ARHGAP36: variants seen among roughly 807,000 people sequenced by gnomAD.
The protein encoded by ARHGAP36 is rho GTPase-activating protein 36.
A neutral mutation model predicts 32.9 loss-of-function variants in ARHGAP36; 7 were observed. The observed-to-expected ratio is 0.21, with a 90% CI of 0.12 to 0.40. The LOEUF is 0.40. Ranked by LOEUF, ARHGAP36 falls within the 10% of genes least tolerant of loss-of-function variation. The probability of loss-of-function intolerance (pLI) is 1.00; values close to 1 mark genes in which losing one functional copy is unlikely to be tolerated. For synonymous variants in ARHGAP36, 165 were observed against 168.3 expected (o/e 0.98, Z 0.15); for missense variants, 383 against 442.2 (o/e 0.87, Z 1.20).
chrX:131,059,920 G>A (rs189432905), intron 1 of ARHGAP36, among the ~76,000 whole-genome samples: 6 of 111,515 alleles, frequency 5.4e-5, no homozygotes, highest in Admixed American at 2.8e-4. Context: ...CCACATAGGA[G>A]GGAGTCCATA....
At chrX:131,085,818 GGA>G in intron 8 of ARHGAP36, 82 bp downstream of exon 8, 1 of 1,178,717 alleles carries the variant, frequency 8.5e-7, no homozygotes, top group Non-Finnish European at 1.1e-6. Flanking sequence ...TGGATGGAGA[GGA>G]GAGAGAGAAA....
rs766840004 is a variant in ARHGAP36 at position 131,083,863 on chromosome X, G to C, written c.449G>C (p.Arg150Pro). ...GCCACCGGTCAGGCTGCGGGCCGTC[G>C]TCGGGGAAACGTGGTGCGAAGGGTG... Reference protein sequence around the residue: ...EEATGQAAGRRRGNVVRRVFG... With the variant: ...EEATGQAAGRPRGNVVRRVFG... The change falls in exon 4 of 12, where the codon CGT becomes CCT. Residue 150 changes from arginine (R) to proline (P), a missense_variant. Coordinates refer to ENST00000276211, the MANE Select transcript of ARHGAP36 (RefSeq NM_144967.4). 5 of 1,210,938 alleles carry C rather than the reference G, an allele frequency of 4.1e-6. No homozygotes were observed. Among genetic ancestry groups the C allele is most frequent in the Middle Eastern group, 2.3e-4 (1 of 4,366 alleles).
chrX:131,082,882 T>C (rs2079811359), intron 2 of ARHGAP36, among the ~76,000 whole-genome samples: 1 of 113,256 alleles, frequency 8.8e-6, no homozygotes, highest in East Asian at 2.8e-4. Context: ...AAGTGTTGTA[T>C]TGAGCGACTA....
At chrX:131,076,489 A>G (rs934954761) in intron 1 of ARHGAP36, among the ~76,000 whole-genome samples, 6 of 112,665 alleles carry the variant, frequency 5.3e-5, no homozygotes, top group African/African-American at 1.9e-4. Context: ...ATAAAATTTA[A>G]AAACAGGATT....
Position 131,081,524 on chromosome X carries a change from C to A in ARHGAP36, c.-142C>A. On this transcript the variant is annotated splice_region_variant and 5_prime_UTR_variant, in exon 2 of 12. Coordinates refer to ENST00000276211, the MANE Select transcript of ARHGAP36 (RefSeq NM_144967.4). The stretch of plus-strand genomic sequence containing the variant: ...GTTGGATTTTTTTTTTCTTTTTTAG[C>A]AAAAACAACCAGAGGCTGCTCTGCT... 7 of 1,036,733 alleles carry A rather than the reference C, an allele frequency of 6.8e-6. No homozygotes were observed. Among genetic ancestry groups the A allele is most frequent in the East Asian group, 3.4e-5 (1 of 28,990 alleles). The allele number at this position is 1,036,733 out of a possible 1,213,427, so 85.4% of individuals were successfully genotyped here. A position where few individuals can be genotyped will look rare whatever the true frequency, so the allele number is the denominator to read the frequency against.
intron 1 of ARHGAP36, among the ~76,000 whole-genome samples, chrX:131,073,448 C>G (rs939174510): frequency 8.9e-5 from 10 of 112,037 alleles, no homozygotes; most frequent in Non-Finnish European, 1.5e-4. Context: ...GAGCCGAGGG[C>G]ACGCAGCGGG....
chrX:131,083,292 G>A, intron 3 of ARHGAP36, 62 bp downstream of exon 3: 7 of 1,092,118 alleles, frequency 6.4e-6, no homozygotes, highest in South Asian at 2.1e-5. Context: ...TGTGTAGTGT[G>A]GCCCTGGCTA....
At chrX:131,081,978 G>C (rs1441573829) in intron 2 of ARHGAP36, 60 bp downstream of exon 2, 2 of 1,169,525 alleles carry the variant, frequency 1.7e-6, no homozygotes, top group Non-Finnish European at 2.3e-6. Flanking sequence ...CTCCGGGCAG[G>C]ACGGGGCGGA....
intron 1 of ARHGAP36, among the ~76,000 whole-genome samples, chrX:131,065,061 G>A (rs1189520206): frequency 6.3e-5 from 7 of 111,126 alleles, no homozygotes; most frequent in Non-Finnish European, 1.3e-4. Flanking sequence ...GTGTGTGTGT[G>A]TGTGTGTCTG....
rs1012239949 is a variant in ARHGAP36, at chrX:131,058,434, C to T, written c.-153C>T. The stretch of plus-strand genomic sequence containing the variant: ...TTTTCGCCTCGGCCTTTGAGCCCCG[C>T]CCCCGCCGTGGTGAGTGGGGCCCAC... On this transcript the variant is annotated 5_prime_UTR_variant, in exon 1 of 12. Transcript: ENST00000276211. 4 of 1,077,404 alleles carry T rather than the reference C, an allele frequency of 3.7e-6. No homozygotes were observed. Among genetic ancestry groups the T allele is most frequent in the Admixed American group, 3.3e-5 (1 of 30,096 alleles). 88.8% of individuals were successfully genotyped at this position (1,077,404 alleles called of 1,213,427 possible).
Position 131,084,290 on chromosome X carries a change from A to T in ARHGAP36, c.631A>T (p.Ile211Phe). Residue 211 changes from isoleucine to phenylalanine, a missense_variant, in exon 5 of 12, where the codon ATT becomes TTT. By Grantham distance (21) the Ile-to-Phe change is conservative. Coordinates refer to ENST00000276211, the MANE Select transcript of ARHGAP36 (RefSeq NM_144967.4). ...GCTGCAGACCCTGCAGCTTTCAAAAATTTCCTTTCCAATTGGCCAACGACT... is the reference window on the plus strand; with the variant it reads ...GCTGCAGACCCTGCAGCTTTCAAAATTTTCCTTTCCAATTGGCCAACGACT... Reference protein sequence around the residue: ...LLLQTLQLSKISFPIGQRLLG... With the variant: ...LLLQTLQLSKFSFPIGQRLLG... 8.3e-7 allele frequency: 1 copy of T among 1,211,813 alleles called. No individual in the cohort carries two copies. The highest frequency in any genetic ancestry group is 1.1e-6 in the Non-Finnish European group (1 of 895,523).
chrX:131,067,332 C>G (rs2079704189), intron 1 of ARHGAP36, among the ~76,000 whole-genome samples: 1 of 112,571 alleles, frequency 8.9e-6, no homozygotes, highest in Admixed American at 9.7e-5. Context: ...AAGAATCTTT[C>G]CAGCTTACTC....
rs72142237 is a variant in ARHGAP36 at position 131,077,764 on chromosome X, C to CATATATATATATAT, written c.-142-3731_-142-3718dup. Among the ~76,000 whole-genome samples the CATATATATATATAT allele has an allele frequency of 1.4e-3, 125 of 86,966 alleles. 5 individuals are homozygous for CATATATATATATAT. Among genetic ancestry groups the CATATATATATATAT allele is most frequent in the African/African-American group, 5.4e-3 (106 of 19,546 alleles). 75.5% of individuals were successfully genotyped at this position (86,966 alleles called of 115,157 possible). ...GCCCCTTTACTTATCCAAATAAAATCATATATATATATATATATATATATA... is the reference window on the plus strand; with the variant it reads ...GCCCCTTTACTTATCCAAATAAAATCATATATATATATATATATATATATATATATATATATATA... On this transcript the variant is annotated intron_variant, in intron 1 of 11. Coordinates refer to ENST00000276211, the MANE Select transcript of ARHGAP36 (RefSeq NM_144967.4).
chrX:131,083,131 G>A (rs1293274987), intron 2 of ARHGAP36, 34 bp from the exon 3 acceptor site: 1 of 1,180,723 alleles, frequency 8.5e-7, no homozygotes, highest in Admixed American at 2.2e-5. Flanking sequence ...AGTCCTATTT[G>A]TAAGTGTATC....
chrX:131,067,143 T>C (rs1343092134), intron 1 of ARHGAP36, among the ~76,000 whole-genome samples: 1 of 111,895 alleles, frequency 8.9e-6, no homozygotes, highest in Admixed American at 9.4e-5. Context: ...GGAGTTAGGT[T>C]TAAAAAAAAT....
In ARHGAP36 at chrX:131,076,770, T is replaced by C. The variant is rs766327023; in HGVS notation, c.-142-4754T>C. Among the ~76,000 whole-genome samples, 4 of 112,404 alleles carry C rather than the reference T, an allele frequency of 3.6e-5. No homozygotes were observed. The East Asian group carries it at 8.4e-4, about 23-fold the overall frequency. ...GGTCTTGGGAAAACCCCTGTCTCTC[T>C]GTGAGCCTCAGTTTTCTGACCTGTA... On this transcript the variant is annotated intron_variant, in intron 1 of 11. Coordinates refer to ENST00000276211, the MANE Select transcript of ARHGAP36 (RefSeq NM_144967.4).
rs777141558 is a variant in ARHGAP36 at position 131,089,320 on chromosome X, G to T, written c.*535G>T. 6 of 112,931 alleles carry T rather than the reference G, an allele frequency of 5.3e-5. No individual in the cohort carries two copies. Among genetic ancestry groups the T allele is most frequent in the Non-Finnish European group, 9.3e-5 (5 of 53,531 alleles). The allele number at this position is 112,931 out of a possible 1,213,427, so 9.3% of individuals were successfully genotyped here. On this transcript the variant is annotated 3_prime_UTR_variant, in exon 12 of 12. Coordinates refer to ENST00000276211, the MANE Select transcript of ARHGAP36 (RefSeq NM_144967.4). ...CACACCAACCCATAGCCGTGTCCAC[G>T]CAGCAACTCCACCACCTTAGGATTT...
At chrX:131,064,327 G>A (rs1339821811) in intron 1 of ARHGAP36, among the ~76,000 whole-genome samples, 1 of 111,105 alleles carries the variant, frequency 9.0e-6, no homozygotes, top group African/African-American at 3.3e-5. Context: ...TTCTTCCGGG[G>A]CTGCATTAGG....
chrX:131,083,126 T>C, intron 2 of ARHGAP36, 39 bp from the exon 3 acceptor site: 1 of 1,168,787 alleles, frequency 8.6e-7, no homozygotes, highest in Non-Finnish European at 1.2e-6. Context: ...TATTAAGTCC[T>C]ATTTGTAAGT....
Sources: allele counts gnomAD v4.1 joint callset (sites outside exome capture counted in the v4.1 genomes callset), GRCh38; gene constraint gnomAD v4.1.1; transcripts MANE v1.5; gene names NCBI Gene and HGNC (gene_info 2026-07-23, HGNC 2026-07-21).